The following CMIP variants were observed in gnomAD, a reference collection of about 807,000 sequenced individuals.
CMIP encodes the protein C-Maf-inducing protein.
A neutral mutation model predicts 97.3 loss-of-function variants in CMIP; 13 were observed. The observed-to-expected ratio is 0.13, with a 90% CI of 0.09 to 0.21. CMIP has a LOEUF of 0.21. Among genes scored for constraint, CMIP ranks in the 10% least tolerant of loss-of-function variants. CMIP has a pLI of 1.00. For synonymous variants in CMIP, 538 were observed against 436.3 expected, an observed-to-expected ratio of 1.23 and a Z score of -2.91; for missense variants, 847 against 1,024.9, an observed-to-expected ratio of 0.83 and a Z score of 2.37.
intron 5 of CMIP, among the ~76,000 whole-genome samples, chr16:81,660,091 G>A (rs527474670): frequency 1.3e-5 from 2 of 152,078 alleles, no homozygotes; most frequent in African/African-American, 2.4e-5. Flanking sequence ...TCATGGACCA[G>A]GAGTCCAAAC....
intron 1 of CMIP, among the ~76,000 whole-genome samples, chr16:81,524,801 T>C (rs1052101788): frequency 3.3e-5 from 5 of 151,608 alleles, no homozygotes; most frequent in African/African-American, 7.3e-5. Context: ...TTCTTTCTTT[T>C]TTTTTTTTTT....
chr16:81,648,194 G>A (rs965664401), intron 3 of CMIP, among the ~76,000 whole-genome samples: 6 of 151,422 alleles, frequency 4.0e-5, no homozygotes, highest in Non-Finnish European at 8.8e-5. Context: ...CCCGACCATC[G>A]TGGCCCTCAC....
chr16:81,607,647 G>A lies in CMIP; in HGVS notation c.381G>A (p.Lys127=), dbSNP rs1437720753. The A allele has an allele frequency of 2.5e-6, 4 of 1,614,052 alleles. No individual in the cohort carries two copies. The highest frequency in any genetic ancestry group is 3.4e-6 in the Non-Finnish European group (4 of 1,179,902). Residue 127 remains lysine, a synonymous_variant, in exon 2 of 21, where the codon AAG becomes AAA. Transcript: ENST00000537098. ...TGCTGTCCTGGGAGAATGCCCCGAAGTACTGTTTACAGCTCACGATTCCTG... is the reference window on the plus strand; with the variant it reads ...TGCTGTCCTGGGAGAATGCCCCGAAATACTGTTTACAGCTCACGATTCCTG... The part of the protein sequence containing the change: ...VQLLSWENAP[K]YCLQLTIPGG...
intron 1 of CMIP, among the ~76,000 whole-genome samples, chr16:81,605,813 GCTC>G (rs1157382928): frequency 6.6e-6 from 1 of 152,194 alleles, no homozygotes; most frequent in Admixed American, 6.5e-5. Context: ...TGCCCACTAA[GCTC>G]CTGTCTTATT....
chr16:81,667,752 G>A (rs1168602224), intron 7 of CMIP, among the ~76,000 whole-genome samples: 1 of 142,744 alleles, frequency 7.0e-6, no homozygotes, highest in Non-Finnish European at 1.5e-5. Context: ...AGGAGGGAGG[G>A]AGGGAGGGAG....
At chr16:81,702,944 T>C (rs919863217) in intron 17 of CMIP, among the ~76,000 whole-genome samples, 4 of 152,204 alleles carry the variant, frequency 2.6e-5, no homozygotes, top group Non-Finnish European at 4.4e-5. Context: ...ATAGCAGATA[T>C]ACCTTGAGCA....
intron 1 of CMIP, among the ~76,000 whole-genome samples, chr16:81,579,895 G>A (rs2091266899): frequency 2.6e-5 from 4 of 152,216 alleles, no homozygotes; most frequent in South Asian, 4.1e-4. Context: ...GGCGGAGCTT[G>A]CAGTGAGCCG....
intron 1 of CMIP, among the ~76,000 whole-genome samples, chr16:81,542,351 G>A (rs780080541): frequency 5.9e-5 from 9 of 152,176 alleles, no homozygotes; most frequent in Non-Finnish European, 1.3e-4. Flanking sequence ...TTGTCACGCA[G>A]GCATTTCTTG....
At chr16:81,603,977 G>A (rs1415400331) in intron 1 of CMIP, among the ~76,000 whole-genome samples, 2 of 152,192 alleles carry the variant, frequency 1.3e-5, no homozygotes, top group Non-Finnish European at 2.9e-5. Context: ...AACTCAGAGA[G>A]GGGGAGTAAC....
intron 3 of CMIP, among the ~76,000 whole-genome samples, chr16:81,628,361 T>G (rs1173270698): frequency 6.6e-6 from 1 of 152,176 alleles, no homozygotes; most frequent in Non-Finnish European, 1.5e-5. Context: ...AGCCCCCAGT[T>G]GCACCCCAAG....
intron 1 of CMIP, among the ~76,000 whole-genome samples, chr16:81,531,568 T>G (rs2090236538): frequency 6.6e-6 from 1 of 152,186 alleles, no homozygotes; most frequent in African/African-American, 2.4e-5. Context: ...AAGTAGGAAG[T>G]TGGGACACTT....
intron 18 of CMIP, among the ~76,000 whole-genome samples, chr16:81,705,130 A>C (rs182846400): frequency 3.3e-4 from 50 of 152,280 alleles, no homozygotes; most frequent in Non-Finnish European, 1.5e-4. Flanking sequence ...AACTGGGGAC[A>C]GTCCCTGCAG....
At chr16:81,688,702 A>G (rs1597252501) in intron 10 of CMIP, among the ~76,000 whole-genome samples, 2 of 152,250 alleles carry the variant, frequency 1.3e-5, no homozygotes, top group African/African-American at 4.8e-5. Flanking sequence ...GTACATGTGC[A>G]CAATGTGCAG....
chr16:81,657,832 ACACG>A lies in CMIP; in HGVS notation c.681+18_681+21del. On this transcript the variant is annotated intron_variant, in intron 5 of 20. Transcript: ENST00000537098. ...CATCATTGTGGTAAGTTCCTCTCGA[ACACG>A]CTCCCTCCACCCACCTCCGCCTCCT... The A allele has an allele frequency of 6.3e-7, 1 of 1,598,186 alleles. No individual in the cohort carries two copies. The highest frequency in any genetic ancestry group is 8.5e-7 in the Non-Finnish European group (1 of 1,171,948).
At chr16:81,526,032 A>G (rs2090127735) in intron 1 of CMIP, among the ~76,000 whole-genome samples, 1 of 150,840 alleles carries the variant, frequency 6.6e-6, no homozygotes, top group African/African-American at 2.4e-5. Flanking sequence ...GTGTTCGTCC[A>G]TTCAGTTTGT....
chr16:81,689,773 C>T (rs900945781), intron 10 of CMIP, among the ~76,000 whole-genome samples: 10 of 152,108 alleles, frequency 6.6e-5, no homozygotes, highest in Non-Finnish European at 1.5e-4. Context: ...TCTTCTAGGG[C>T]TATTATGGTT....
At chr16:81,639,028 G>A (rs972263425) in intron 3 of CMIP, among the ~76,000 whole-genome samples, 8 of 152,134 alleles carry the variant, frequency 5.3e-5, no homozygotes, top group African/African-American at 1.2e-4. Flanking sequence ...CCAGAATGCC[G>A]AGGGAGAGTC....
intron 9 of CMIP, among the ~76,000 whole-genome samples, chr16:81,674,796 G>C (rs1247715370): frequency 6.6e-6 from 1 of 151,998 alleles, no homozygotes; most frequent in Admixed American, 6.6e-5. Flanking sequence ...TTGTTGGCCA[G>C]GCTGGTCTCG....
At chr16:81,650,196 C>T (rs184068091) in intron 3 of CMIP, among the ~76,000 whole-genome samples, 40 of 152,326 alleles carry the variant, frequency 2.6e-4, no homozygotes, top group Admixed American at 9.8e-4. Flanking sequence ...TTCCTGTCCT[C>T]GTAGGGTCTC....
Sources: allele counts gnomAD v4.1 joint callset (sites outside exome capture counted in the v4.1 genomes callset), GRCh38; gene constraint gnomAD v4.1.1; transcripts MANE v1.5; gene names NCBI Gene and HGNC (gene_info 2026-07-23, HGNC 2026-07-21).